SLC12A2: variants seen among roughly 807,000 people sequenced by gnomAD.
SLC12A2 encodes solute carrier family 12 member 2, also known as Na-K-2Cl cotransporter 1.
In SLC12A2, 67 loss-of-function variants were observed where a neutral mutation model predicts 136.3. The observed-to-expected ratio is 0.49, with a 90% CI of 0.40 to 0.60. SLC12A2 has a LOEUF of 0.60. Among genes scored for constraint, SLC12A2 ranks in the 20% least tolerant of loss-of-function variants. SLC12A2 has a pLI of 0.00. For synonymous variants in SLC12A2, 619 were observed against 562.9 expected (o/e 1.10, Z -1.41); for missense variants, 1,322 against 1,534.7 (o/e 0.86, Z 2.32).
rs115395895 is a variant in SLC12A2, at chr5:128,114,590, A to G, written c.957A>G (p.Leu319=). ...SWIVGQAGIG[L]SVLVIMMATV... is the part of the protein sequence containing the mutation. Reference sequence around the variant, plus strand: ...TGTCTTTCTTTCTTCGTAAAGGTCTATCAGTCCTTGTAATAATGATGGCCA... The same window carrying G: ...TGTCTTTCTTTCTTCGTAAAGGTCTGTCAGTCCTTGTAATAATGATGGCCA... Residue 319 remains leucine (L), a synonymous_variant, in exon 4 of 27, where the codon CTA becomes CTG. Coordinates refer to ENST00000262461, the MANE Select transcript of SLC12A2 (RefSeq NM_001046.3). The G allele has an allele frequency of 5.9e-5, 94 of 1,599,368 alleles. No individual in the cohort carries two copies. The East Asian group carries it at 8.5e-4, about 14-fold the overall frequency.
intron 1 of SLC12A2, among the ~76,000 whole-genome samples, chr5:128,107,215 G>A (rs1363364440): frequency 6.6e-6 from 1 of 152,166 alleles, no homozygotes; most frequent in East Asian, 1.9e-4. Flanking sequence ...TGGAAGTACA[G>A]CTGAAGTGGG....
chr5:128,102,970 C>T (rs943676783), intron 1 of SLC12A2, among the ~76,000 whole-genome samples: 3 of 152,048 alleles, frequency 2.0e-5, no homozygotes, highest in African/African-American at 7.2e-5. Flanking sequence ...TATGAATATT[C>T]TACAGTTTCT....
intron 22 of SLC12A2, among the ~76,000 whole-genome samples, chr5:128,180,007 C>A (rs1404059344): frequency 1.0e-5 from 1 of 99,228 alleles, no homozygotes; most frequent in African/African-American, 3.9e-5. Context: ...TCTTTTTCTG[C>A]CACCCAGGCT....
chr5:128,178,179 G>A (rs763551147), intron 21 of SLC12A2, among the ~76,000 whole-genome samples: 2 of 152,088 alleles, frequency 1.3e-5, no homozygotes, highest in African/African-American at 4.8e-5. Context: ...GATTACCAAA[G>A]AAATAGTTTC....
At chr5:128,113,200 A>G (rs1026498185) in intron 2 of SLC12A2, among the ~76,000 whole-genome samples, 1 of 152,174 alleles carries the variant, frequency 6.6e-6, no homozygotes, top group African/African-American at 2.4e-5. Flanking sequence ...ATTATATTTC[A>G]TTGCCTCTTG....
intron 4 of SLC12A2, among the ~76,000 whole-genome samples, chr5:128,123,132 G>C (rs1034662991): frequency 6.6e-6 from 1 of 151,976 alleles, no homozygotes; most frequent in Non-Finnish European, 1.5e-5. Context: ...TTCCAAAATT[G>C]TTTGCTGCAG....
chr5:128,136,928 G>C (rs1223579559), intron 7 of SLC12A2, among the ~76,000 whole-genome samples: 1 of 151,972 alleles, frequency 6.6e-6, no homozygotes, highest in Non-Finnish European at 1.5e-5. Context: ...TTCTTCTCAG[G>C]CTTTTCCATC....
intron 9 of SLC12A2, among the ~76,000 whole-genome samples, chr5:128,139,794 G>A (rs1762302082): frequency 6.6e-6 from 1 of 152,108 alleles, no homozygotes; most frequent in Non-Finnish European, 1.5e-5. Flanking sequence ...AAGCCCATAG[G>A]CTACACAATA....
rs76041804 is a variant in SLC12A2, at chr5:128,165,927, C to T, written c.2617-1834C>T. Among the ~76,000 whole-genome samples the T allele has an allele frequency of 5.9e-5, 8 of 136,552 alleles. No homozygotes were observed. The East Asian group carries it at 1.5e-3, about 26-fold the overall frequency. The allele number at this position is 136,552 out of a possible 152,430, so 89.6% of individuals were successfully genotyped here. On this transcript the variant is annotated intron_variant, in intron 17 of 26. Coordinates refer to ENST00000262461, the MANE Select transcript of SLC12A2 (RefSeq NM_001046.3). ...TTGGTTTTCTTTTACCTCCCCCCCC[C>T]CCCCCCAGTTAAAAATATGCTGTGT... is the stretch of plus-strand genomic sequence containing the variant.
chr5:128,116,839 A>G (rs750330850), intron 4 of SLC12A2, among the ~76,000 whole-genome samples: 59 of 152,130 alleles, frequency 3.9e-4, no homozygotes, highest in Non-Finnish European at 7.5e-4. Flanking sequence ...TCTTTTAGTG[A>G]ATGTAAGCCC....
At chr5:128,157,142 GT>G (rs1389152256) in intron 15 of SLC12A2, among the ~76,000 whole-genome samples, 3 of 152,120 alleles carry the variant, frequency 2.0e-5, no homozygotes, top group Non-Finnish European at 2.9e-5. Flanking sequence ...AAACGTTAAC[GT>G]TTAAGTCGGA....
intron 17 of SLC12A2, among the ~76,000 whole-genome samples, chr5:128,164,646 G>T (rs953453054): frequency 1.3e-5 from 2 of 152,070 alleles, no homozygotes; most frequent in South Asian, 2.1e-4. Context: ...TTTGGCAAAA[G>T]AATTTTGTAC....
At chr5:128,135,615 C>T in intron 6 of SLC12A2, 85 bp from the exon 7 acceptor site, 2 of 905,804 alleles carry the variant, frequency 2.2e-6, no homozygotes, top group Non-Finnish European at 1.8e-6. Context: ...AATTCTTTCC[C>T]TCATGGAAGT....
intron 1 of SLC12A2, among the ~76,000 whole-genome samples, chr5:128,109,211 A>G (rs1478566084): frequency 6.6e-6 from 1 of 152,280 alleles, no homozygotes; most frequent in Non-Finnish European, 1.5e-5. Flanking sequence ...AATTAAGTTC[A>G]TCATTGTCCT....
chr5:128,167,624 T>TA, intron 17 of SLC12A2, 137 bp from the exon 18 acceptor site: 1 of 522,316 alleles, frequency 1.9e-6, no homozygotes, highest in East Asian at 3.4e-5. Context: ...TATAAGTAAA[T>TA]ATGAATATGG....
chr5:128,139,210 A>G (rs1456061783), intron 9 of SLC12A2, among the ~76,000 whole-genome samples: 1 of 152,070 alleles, frequency 6.6e-6, no homozygotes, highest in Non-Finnish European at 1.5e-5. Flanking sequence ...AAAACAATGT[A>G]TGTGTAGAAG....
At position 128,084,400 on chromosome 5, in the gene SLC12A2, C is replaced by T. The variant is rs748357996; in HGVS notation, c.446C>T (p.Ser149Phe). 2 of 1,610,800 alleles carry T rather than the reference C, an allele frequency of 1.2e-6. No homozygotes were observed. The highest frequency in any genetic ancestry group is 1.1e-5 in the South Asian group (1 of 90,926). The change falls in exon 1 of 27, where the codon TCC (serine) becomes TTC (phenylalanine). Residue 149 changes from serine (S) to phenylalanine (F), a missense_variant. Coordinates refer to ENST00000262461, the MANE Select transcript of SLC12A2 (RefSeq NM_001046.3). The surrounding 1 kb of genome is among the most constrained non-coding windows in gnomAD (Gnocchi z 5.6). ...GTGAACTTCGTGGACCCAGCTGCCTCCTCGTCGGCTGAAGACAGCCTGTCA... is the reference window on the plus strand; with the variant it reads ...GTGAACTTCGTGGACCCAGCTGCCTTCTCGTCGGCTGAAGACAGCCTGTCA... ...FRVNFVDPAA[S>F]SSAEDSLSDA... is the part of the protein sequence containing the mutation.
At chr5:128,103,726 T>G (rs1760826814) in intron 1 of SLC12A2, among the ~76,000 whole-genome samples, 1 of 152,218 alleles carries the variant, frequency 6.6e-6, no homozygotes, top group East Asian at 1.9e-4. Flanking sequence ...ATCTTCAAAG[T>G]GCATTTAACA....
intron 9 of SLC12A2, among the ~76,000 whole-genome samples, chr5:128,141,122 A>T (rs1762352293): frequency 6.6e-6 from 1 of 152,170 alleles, no homozygotes; most frequent in Non-Finnish European, 1.5e-5. Flanking sequence ...TCACTTTTAA[A>T]ATATTTTATT....
Sources: allele counts gnomAD v4.1 joint callset (sites outside exome capture counted in the v4.1 genomes callset), GRCh38; gene constraint gnomAD v4.1.1; non-coding constraint Gnocchi (gnomAD v3.1); transcripts MANE v1.5; gene names NCBI Gene and HGNC (gene_info 2026-07-23, HGNC 2026-07-21).